FHIT: variants seen among roughly 807,000 people sequenced by gnomAD.
FHIT encodes bis(5'-adenosyl)-triphosphatase.
FHIT carries 19 observed loss-of-function variants against 17.9 expected under a neutral mutation model. The ratio of observed to expected loss-of-function variants is 1.06; its 90% confidence interval spans 0.74 to 1.56. The LOEUF is 1.56. Ranked by LOEUF, FHIT falls within the 40% of genes most tolerant of loss-of-function variation. The pLI, the probability that FHIT is intolerant of heterozygous loss-of-function variation, is 0.00. For synonymous variants in FHIT, 81 were observed against 69.7 expected (o/e 1.16, Z -0.81); for missense variants, 248 against 189.2 (o/e 1.31, Z -1.82).
chr3:59,796,602 C>T (rs1699787800), intron 8 of FHIT, among the ~76,000 whole-genome samples: 1 of 152,194 alleles, frequency 6.6e-6, no homozygotes, highest in African/African-American at 2.4e-5. Flanking sequence ...CTTTGATGAG[C>T]AAATGAGATT....
chr3:60,640,846 T>G (rs931495946), intron 4 of FHIT, among the ~76,000 whole-genome samples: 1 of 152,084 alleles, frequency 6.6e-6, no homozygotes, highest in Non-Finnish European at 1.5e-5. Context: ...TATTTATAGG[T>G]GAAATAATTG....
intron 4 of FHIT, among the ~76,000 whole-genome samples, chr3:60,792,300 C>A (rs545185339): frequency 6.6e-6 from 1 of 152,286 alleles, no homozygotes; most frequent in South Asian, 2.1e-4. Context: ...CTATAAATTA[C>A]CCTGTTGGTG....
intron 2 of FHIT, among the ~76,000 whole-genome samples, chr3:61,195,069 C>T (rs1466637193): frequency 1.3e-5 from 2 of 151,844 alleles, no homozygotes; most frequent in Non-Finnish European, 2.9e-5. Flanking sequence ...CAAAGTTTCT[C>T]TTTCACTAGG....
At chr3:60,526,177 G>A (rs887864937) in intron 5 of FHIT, among the ~76,000 whole-genome samples, 9 of 142,308 alleles carry the variant, frequency 6.3e-5, no homozygotes, top group African/African-American at 1.9e-4. Flanking sequence ...CAGGTGACAG[G>A]TAAGTGTCCC....
rs116638913 is a variant in FHIT at position 60,100,787 on chromosome 3, A to G, written c.104-86635T>C. Reference sequence around the variant, plus strand: ...TAAACAGTAGAGTCATGCTGGAGACACACCATCATCTATGTCAATCAGACA... The same window carrying G: ...TAAACAGTAGAGTCATGCTGGAGACGCACCATCATCTATGTCAATCAGACA... On this transcript the variant is annotated intron_variant, in intron 5 of 9. Coordinates refer to ENST00000492590, the MANE Select transcript of FHIT (RefSeq NM_002012.4). 4.3e-3 allele frequency among the ~76,000 whole-genome samples: 659 copies of G among 152,308 alleles called. 6 individuals carry two copies. Among genetic ancestry groups the G allele is most frequent in the Non-Finnish European group, 6.9e-3 (468 of 68,026 alleles).
intron 8 of FHIT, among the ~76,000 whole-genome samples, chr3:59,776,719 A>G (rs1198480168): frequency 6.6e-6 from 1 of 152,208 alleles, no homozygotes; most frequent in Non-Finnish European, 1.5e-5. Flanking sequence ...CAGAGCTGAC[A>G]TTTATTGAGC....
chr3:60,465,433 T>C (rs2032731486), intron 5 of FHIT, among the ~76,000 whole-genome samples: 1 of 152,036 alleles, frequency 6.6e-6, no homozygotes, highest in Non-Finnish European at 1.5e-5. Flanking sequence ...GTTAACTGTG[T>C]TTGTAGGGTA....
chr3:61,230,688 G>T (rs1404878237), intron 1 of FHIT, among the ~76,000 whole-genome samples: 2 of 152,054 alleles, frequency 1.3e-5, no homozygotes, highest in Non-Finnish European at 2.9e-5. Context: ...TTTTTAACCA[G>T]TACCTAGCAA....
At chr3:60,417,722 C>T (rs1182382366) in intron 5 of FHIT, among the ~76,000 whole-genome samples, 1 of 152,092 alleles carries the variant, frequency 6.6e-6, no homozygotes, top group Non-Finnish European at 1.5e-5. Context: ...CCTGACTAAC[C>T]AGATCAGAGA....
chr3:60,455,569 T>C (rs400747), intron 5 of FHIT, among the ~76,000 whole-genome samples: 77,557 of 151,972 alleles, frequency 0.51, 22,339 homozygotes, highest in African/African-American at 0.77. Context: ...TTTATTTGCT[T>C]TAGTATGAAT....
At chr3:60,340,586 C>A (rs1037005790) in intron 5 of FHIT, among the ~76,000 whole-genome samples, 1 of 152,178 alleles carries the variant, frequency 6.6e-6, no homozygotes, top group Admixed American at 6.5e-5. Flanking sequence ...CACTTGAGAA[C>A]ATTTTAAGCA....
intron 4 of FHIT, among the ~76,000 whole-genome samples, chr3:60,789,808 A>C (rs2108116967): frequency 6.6e-6 from 1 of 152,346 alleles, no homozygotes; most frequent in South Asian, 2.1e-4. Flanking sequence ...GGAAATAGTA[A>C]CTAAAACAAT....
At chr3:60,035,294 T>C (rs1325425733) in intron 5 of FHIT, among the ~76,000 whole-genome samples, 1 of 152,332 alleles carries the variant, frequency 6.6e-6, no homozygotes, top group African/African-American at 2.4e-5. Context: ...TGGAGTGCAA[T>C]GGCACAGTCT....
intron 4 of FHIT, among the ~76,000 whole-genome samples, chr3:60,664,767 G>A (rs911061920): frequency 1.3e-5 from 2 of 149,572 alleles, no homozygotes; most frequent in African/African-American, 2.5e-5. Context: ...ATATATGAGT[G>A]TAAAGTTGTT....
At chr3:60,770,684 T>C (rs1456886055) in intron 4 of FHIT, among the ~76,000 whole-genome samples, 2 of 152,190 alleles carry the variant, frequency 1.3e-5, no homozygotes, top group East Asian at 3.9e-4. Context: ...ATGGTGACAA[T>C]TGCCTCATAA....
chr3:60,893,895 C>G (rs1705649885), intron 3 of FHIT, among the ~76,000 whole-genome samples: 2 of 152,198 alleles, frequency 1.3e-5, no homozygotes, highest in Non-Finnish European at 2.9e-5. Context: ...GACAAGTAAT[C>G]AAAGTCAGGT....
At chr3:60,610,763 C>A (rs1200155300) in intron 4 of FHIT, among the ~76,000 whole-genome samples, 5 of 152,210 alleles carry the variant, frequency 3.3e-5, no homozygotes, top group Non-Finnish European at 7.3e-5. Context: ...TTACTGGAAG[C>A]TCTCTTTTGC....
intron 8 of FHIT, among the ~76,000 whole-genome samples, chr3:59,755,877 T>C (rs1701191300): frequency 6.6e-6 from 1 of 151,234 alleles, no homozygotes; most frequent in Non-Finnish European, 1.5e-5. Context: ...CTACGGATCA[T>C]CCAAAAATGG....
chr3:60,295,131 T>C (rs1708149939), intron 5 of FHIT, among the ~76,000 whole-genome samples: 1 of 152,106 alleles, frequency 6.6e-6, no homozygotes, highest in Non-Finnish European at 1.5e-5. Context: ...AGGCCTGTAG[T>C]CCCAGCTACT....
Sources: allele counts gnomAD v4.1 joint callset (sites outside exome capture counted in the v4.1 genomes callset), GRCh38; gene constraint gnomAD v4.1.1; transcripts MANE v1.5; gene names NCBI Gene and HGNC (gene_info 2026-07-23, HGNC 2026-07-21).